The following ABCA1 variants were observed in gnomAD, a reference collection of about 807,000 sequenced individuals.
ABCA1 encodes the protein ATP binding cassette subfamily A member 1, also known as phospholipid-transporting ATPase ABCA1.
In ABCA1, 133 loss-of-function variants were observed where a neutral mutation model predicts 262.5. The ratio of observed to expected loss-of-function variants is 0.51; its 90% CI spans 0.44 to 0.59. ABCA1 has a LOEUF of 0.59. Ranked by LOEUF, ABCA1 falls within the 20% of genes least tolerant of loss-of-function variation. The pLI is 0.00. For missense variants in ABCA1, 2,452 were observed against 2,777.5 expected, an observed-to-expected ratio of 0.88 and a Z score of 2.63; for synonymous variants, 1,022 against 1,043.5, an observed-to-expected ratio of 0.98 and a Z score of 0.40.
At position 104,804,661 on chromosome 9, in the gene ABCA1, A is replaced by G. The variant is rs1289523276; in HGVS notation, c.4524T>C (p.Tyr1508=). 2 of 1,614,226 alleles carry G rather than the reference A, an allele frequency of 1.2e-6. No homozygotes were observed. Among genetic ancestry groups the G allele is most frequent in the Admixed American group, 3.3e-5 (2 of 60,032 alleles). ...QDLTGRNISD[Y]LVKTYVQIIA... is the part of the protein sequence containing the mutation. ...TGATCTGCACATACGTCTTCACCAG[A>G]TAATCCGAAATGTTTCTTCCTGTCA... The change falls in exon 32 of 50, where the codon TAT becomes TAC. Residue 1508 remains tyrosine (Y), a synonymous_variant. Transcript: ENST00000374736.
intron 14 of ABCA1, 67 bp downstream of exon 14, chr9:104,830,858 C>A: frequency 1.3e-6 from 2 of 1,558,028 alleles, no homozygotes; most frequent in Non-Finnish European, 1.8e-6. Flanking sequence ...CACATGCACA[C>A]ACATATATAC....
rs1832011774 is a variant in ABCA1, at chr9:104,818,824, T to C, written c.3301A>G (p.Ile1101Val). ...AGCTTCCCATGGGAGATGATGGCAA[T>C]CCTGTCCCCCAGGACGTCCGCTTCA... ...MDEADVLGDR[I>V]AIISHGKLCC... The change falls in exon 23 of 50, where the codon ATT (isoleucine) becomes GTT (valine). Residue 1101 changes from isoleucine to valine, a missense_variant. Ile to Val is a conservative substitution (Grantham distance 29). Transcript: ENST00000374736. 6.2e-7 allele frequency: 1 copy of C among 1,614,030 alleles called. No individual in the cohort carries two copies. The highest frequency in any genetic ancestry group is 1.7e-5 in the Admixed American group (1 of 60,026).
In ABCA1 at chr9:104,784,163, T is replaced by C. The variant is rs1026138617; in HGVS notation, c.*152A>G. ...GTAATGGAATTTTGTTTTCATTGCA[T>C]TGAATTGCATTGCATTGAATAGTAT... On this transcript the variant is annotated 3_prime_UTR_variant, in exon 50 of 50. Coordinates refer to ENST00000374736, the MANE Select transcript of ABCA1 (RefSeq NM_005502.4). The C allele has an allele frequency of 8.2e-6, 8 of 976,542 alleles. No homozygotes were observed. The highest frequency in any genetic ancestry group is 6.5e-5 in the African/African-American group (4 of 61,324). The allele number at this position is 976,542 out of a possible 1,614,324, so 60.5% of individuals were successfully genotyped here. A position where few individuals can be genotyped will look rare whatever the true frequency, so the allele number is the denominator to read the frequency against.
intron 5 of ABCA1, among the ~76,000 whole-genome samples, chr9:104,868,593 C>G (rs1837300189): frequency 6.6e-6 from 1 of 152,176 alleles, no homozygotes; most frequent in Non-Finnish European, 1.5e-5. Context: ...ACAGTCTCTT[C>G]AATACAGACC....
intron 28 of ABCA1, 82 bp from the exon 29 acceptor site, chr9:104,811,006 G>T: frequency 6.3e-7 from 1 of 1,599,780 alleles, no homozygotes; most frequent in Non-Finnish European, 8.5e-7. Context: ...AAATCCCTAC[G>T]AGTCCAGCCC....
In ABCA1 at chr9:104,821,512, G is replaced by A. The variant is rs1832345325; in HGVS notation, c.2829-6C>T. 2 of 1,613,760 alleles carry A rather than the reference G, an allele frequency of 1.2e-6. No individual in the cohort carries two copies. The highest frequency in any genetic ancestry group is 8.5e-7 in the Non-Finnish European group (1 of 1,179,988). On this transcript the variant is annotated splice_region_variant and splice_polypyrimidine_tract_variant and intron_variant, in intron 19 of 49. Coordinates refer to ENST00000374736, the MANE Select transcript of ABCA1 (RefSeq NM_005502.4). ...ACAACCCGGTCAGGATTGACCTGAG[G>A]ACAAAAATTTAGAAGTACAGAAGTC...
At position 104,859,773 on chromosome 9, in the gene ABCA1, G is replaced by A. The variant is rs1025875403; in HGVS notation, c.544-1075C>T. 2.2e-4 allele frequency among the ~76,000 whole-genome samples: 33 copies of A among 152,242 alleles called. No homozygotes were observed. The East Asian group carries it at 2.5e-3, about 12-fold the overall frequency. Reference sequence around the variant, plus strand: ...TGTTTAAGAATACTGACAACAGGCCGGGTGCAGTGGGTCATGTCTGTAATT... The same window carrying A: ...TGTTTAAGAATACTGACAACAGGCCAGGTGCAGTGGGTCATGTCTGTAATT... On this transcript the variant is annotated intron_variant, in intron 6 of 49. Transcript: ENST00000374736.
chr9:104,827,079 T>A lies in ABCA1; in HGVS notation c.2206A>T (p.Ile736Phe). The A allele has an allele frequency of 6.2e-7, 1 of 1,614,062 alleles. No homozygotes were observed. Among genetic ancestry groups the A allele is most frequent in the Non-Finnish European group, 8.5e-7 (1 of 1,180,006 alleles). ...TTGGCTCTGGAGAAGAGTGTGCTAA[T>A]CAGGAAGCACTGCAGGATTGTCACC... ...AVVTILQCFL[I>F]STLFSRANLA... Residue 736 changes from isoleucine (I) to phenylalanine (F), a missense_variant, in exon 16 of 50, where the codon ATT (isoleucine) becomes TTT (phenylalanine). Ile to Phe is a conservative substitution (Grantham distance 21). Coordinates refer to ENST00000374736, the MANE Select transcript of ABCA1 (RefSeq NM_005502.4).
At chr9:104,845,393 A>T (rs942758654) in intron 8 of ABCA1, 84 bp downstream of exon 8, 1 of 937,132 alleles carries the variant, frequency 1.1e-6, no homozygotes, top group Non-Finnish European at 1.8e-6. Flanking sequence ...TATTCAACTC[A>T]AAAGGACCTC....
chr9:104,825,604 G>T, intron 17 of ABCA1, 79 bp downstream of exon 17: 2 of 1,434,358 alleles, frequency 1.4e-6, no homozygotes, highest in Non-Finnish European at 2.0e-6. Flanking sequence ...GGAAGCCCAT[G>T]CACTGCAGAG....
At chr9:104,806,454 T>G (rs1412344415) in intron 30 of ABCA1, 24 bp from the exon 31 acceptor site, 1 of 1,613,206 alleles carries the variant, frequency 6.2e-7, no homozygotes, top group Admixed American at 1.7e-5. Flanking sequence ...ACAGCAAGAG[T>G]AGGATTACCA....
At position 104,884,456 on chromosome 9, in the gene ABCA1, G is replaced by C; in HGVS notation, c.273C>G (p.Pro91=). The change falls in exon 4 of 50, where the codon CCC becomes CCG. Residue 91 remains proline (P), a synonymous_variant. Coordinates refer to ENST00000374736, the MANE Select transcript of ABCA1 (RefSeq NM_005502.4). ...CFRYPTPGEA[P]GVVGNFNKSI... ...ATTTGTTAAAGTTTCCAACAACTCC[G>C]GGAGCCTCCCCAGGAGTCGGGTAAC... is the stretch of plus-strand genomic sequence containing the variant. 6.2e-7 allele frequency: 1 copy of C among 1,614,184 alleles called. No individual in the cohort carries two copies. The highest frequency in any genetic ancestry group is 1.1e-5 in the South Asian group (1 of 91,084).
In ABCA1 at chr9:104,798,523, G is replaced by A. The variant is rs371136175; in HGVS notation, c.5019C>T (p.Val1673=). ...FAMSFVPASF[V]VFLIQERVSK... ...TGACCCGCTCCTGGATCAGGAATAC[G>A]ACAAAGCTGGCTGGGACGAAGGACA... Residue 1673 remains valine, a synonymous_variant, in exon 37 of 50, where the codon GTC becomes GTT. Coordinates refer to ENST00000374736, the MANE Select transcript of ABCA1 (RefSeq NM_005502.4). 56 of 1,614,148 alleles carry A rather than the reference G, an allele frequency of 3.5e-5. No homozygotes were observed. The East Asian group carries it at 4.9e-4, about 14-fold the overall frequency.
At chr9:104,886,166 C>A (rs1183348423) in intron 3 of ABCA1, among the ~76,000 whole-genome samples, 1 of 151,464 alleles carries the variant, frequency 6.6e-6, no homozygotes, top group Non-Finnish European at 1.5e-5. Context: ...TACCCCAGCA[C>A]TTACTCTGCT....
chr9:104,800,082 A>G (rs1233125272), intron 35 of ABCA1, 94 bp from the exon 36 acceptor site: 2 of 1,404,324 alleles, frequency 1.4e-6, no homozygotes, highest in Non-Finnish European at 2.0e-6. Flanking sequence ...AAACCTCAGA[A>G]AGAAATTCTA....
At chr9:104,919,621 A>T (rs1196629116) in intron 1 of ABCA1, among the ~76,000 whole-genome samples, 4 of 151,934 alleles carry the variant, frequency 2.6e-5, no homozygotes, top group Non-Finnish European at 5.9e-5. Context: ...CAAAAAAAAA[A>T]GCAAAACCTA....
Position 104,800,519 on chromosome 9 carries a change from A to G in ABCA1, c.4764T>C (p.Asn1588=), listed in dbSNP as rs9282547. ...AAAGACAGCGGTTTACCTTGACATT[A>G]TTTTTGGTGTCCAGTCCTGTCATAA... ...GRFMTGLDTK[N]NVKVWFNNKG... Residue 1588 remains asparagine, a synonymous_variant, in exon 35 of 50, where the codon AAT becomes AAC. Transcript: ENST00000374736. The G allele has an allele frequency of 1.7e-5, 28 of 1,613,650 alleles. No homozygotes were observed. In the African/African-American group the frequency reaches 2.9e-4, roughly 17 times the overall value.
At chr9:104,861,510 T>C (rs1836383127) in intron 6 of ABCA1, 169 bp downstream of exon 6, 3 of 925,874 alleles carry the variant, frequency 3.2e-6, no homozygotes, top group Admixed American at 3.9e-5. Context: ...CCTGGATGGT[T>C]TGGCAATTCC....
intron 5 of ABCA1, among the ~76,000 whole-genome samples, chr9:104,873,243 A>G (rs1483663448): frequency 6.6e-6 from 1 of 152,258 alleles, no homozygotes; most frequent in East Asian, 1.9e-4. Flanking sequence ...ATGTTGACAC[A>G]TGTATCACCA....
Sources: gnomAD v4.1 joint callset for allele counts (sites outside exome capture counted in the v4.1 genomes callset) on GRCh38, gnomAD v4.1.1 for gene constraint, MANE v1.5 for transcripts, NCBI Gene and HGNC (gene_info 2026-07-23, HGNC 2026-07-21) for gene names.